PCDH11X: variants seen among roughly 807,000 people sequenced by gnomAD.
The protein encoded by PCDH11X is protocadherin-11 X-linked.
A neutral mutation model predicts 53.3 loss-of-function variants in PCDH11X; 18 were observed. The observed-to-expected ratio is 0.34, with a 90% CI of 0.23 to 0.50. The LOEUF (loss-of-function observed/expected upper bound fraction) is 0.50, where lower values mean the gene tolerates loss of function less well. Among genes scored for constraint, PCDH11X ranks in the 20% least tolerant of loss-of-function variants. The pLI, the probability that PCDH11X is intolerant of heterozygous loss-of-function variation, is 0.98. For missense variants in PCDH11X, 570 were observed against 1,032.4 expected (o/e 0.55, Z 6.14); for synonymous variants, 279 against 393.3 (o/e 0.71, Z 3.44).
At chrX:92,159,813 C>A (rs2148256095) in intron 6 of PCDH11X, among the ~76,000 whole-genome samples, 1 of 51,888 alleles carries the variant, frequency 1.9e-5, no homozygotes. Context: ...CAGGTTACCT[C>A]ATTTTTTTTT....
intron 10 of PCDH11X, among the ~76,000 whole-genome samples, chrX:92,584,459 C>A (rs960920814): frequency 5.4e-5 from 6 of 111,244 alleles, no homozygotes; most frequent in African/African-American, 2.0e-4. Flanking sequence ...GTGAAAAGAT[C>A]ATCAGAAAAT....
chrX:91,873,933 A>G (rs1454794542), intron 5 of PCDH11X, among the ~76,000 whole-genome samples: 1 of 111,129 alleles, frequency 9.0e-6, no homozygotes, highest in African/African-American at 3.3e-5. Flanking sequence ...CAATACCATC[A>G]TTAAATCCAT....
At chrX:92,530,421 A>G (rs966584439) in intron 10 of PCDH11X, among the ~76,000 whole-genome samples, 2 of 111,454 alleles carry the variant, frequency 1.8e-5, no homozygotes, top group African/African-American at 6.5e-5. Context: ...TCCTACGATG[A>G]TAGATTTAAT....
At chrX:91,901,884 G>C (rs1940968432) in intron 6 of PCDH11X, among the ~76,000 whole-genome samples, 1 of 111,751 alleles carries the variant, frequency 8.9e-6, no homozygotes, top group African/African-American at 3.2e-5. Flanking sequence ...CTATTTTTGA[G>C]TTTGAAGAAG....
chrX:91,873,728 G>A (rs1015701222), intron 5 of PCDH11X, among the ~76,000 whole-genome samples: 6 of 111,237 alleles, frequency 5.4e-5, no homozygotes, highest in East Asian at 2.8e-4. Context: ...TTACATATTC[G>A]TTTTCCCAGA....
intron 8 of PCDH11X, among the ~76,000 whole-genome samples, chrX:92,317,944 T>A (rs2069116139): frequency 9.0e-6 from 1 of 111,559 alleles, no homozygotes; most frequent in African/African-American, 3.2e-5. Context: ...GTTATTGTTA[T>A]TAGTAGTACT....
chrX:92,290,010 G>A (rs1603256830), intron 8 of PCDH11X, among the ~76,000 whole-genome samples: 1 of 111,484 alleles, frequency 9.0e-6, no homozygotes, highest in East Asian at 2.8e-4. Context: ...AAGGTTAATA[G>A]TGGGAATGAT....
chrX:91,780,686 A>T (rs996224777), intron 1 of PCDH11X, among the ~76,000 whole-genome samples: 1 of 112,791 alleles, frequency 8.9e-6, no homozygotes, highest in Admixed American at 9.4e-5. Context: ...GAGAAAAGTA[A>T]TGTACCTTTT....
At chrX:92,150,589 A>T (rs1603057199) in intron 6 of PCDH11X, among the ~76,000 whole-genome samples, 1 of 110,303 alleles carries the variant, frequency 9.1e-6, no homozygotes, top group African/African-American at 3.3e-5. Context: ...GGTCCTTTGC[A>T]TTTCAATAAA....
rs1283237283 is a variant in PCDH11X at position 91,811,266 on chromosome X, G to A, written c.-74G>A. ...TTGCAGAGCACTATGAGGACTGAAC[G>A]ACAGTGGGTTTTAATTCAGATATTT... On this transcript the variant is annotated 5_prime_UTR_variant, in exon 4 of 11. Transcript: ENST00000682573. 3.3e-6 allele frequency: 4 copies of A among 1,208,541 alleles called. No individual in the cohort carries two copies. Among genetic ancestry groups the A allele is most frequent in the Non-Finnish European group, 3.4e-6 (3 of 893,407 alleles).
chrX:91,988,771 T>C (rs888603757), intron 6 of PCDH11X, among the ~76,000 whole-genome samples: 8 of 111,925 alleles, frequency 7.1e-5, no homozygotes, highest in Non-Finnish European at 1.3e-4. Flanking sequence ...CATACTGTGG[T>C]AGAGGACACA....
chrX:92,299,406 C>G (rs1406071731), intron 8 of PCDH11X, among the ~76,000 whole-genome samples: 1 of 111,390 alleles, frequency 9.0e-6, no homozygotes, highest in Non-Finnish European at 1.9e-5. Context: ...CTTTACATAT[C>G]TGGTAGAAAC....
At chrX:92,616,488 C>A (rs1189869066) in intron 10 of PCDH11X, among the ~76,000 whole-genome samples, 1 of 108,691 alleles carries the variant, frequency 9.2e-6, no homozygotes, top group Non-Finnish European at 1.9e-5. Flanking sequence ...GTTGAAAAGT[C>A]TATACTTTCA....
intron 6 of PCDH11X, among the ~76,000 whole-genome samples, chrX:91,927,140 A>C (rs1426011895): frequency 9.2e-6 from 1 of 108,433 alleles, no homozygotes; most frequent in Non-Finnish European, 1.9e-5. Flanking sequence ...GCTAAATAAT[A>C]CACTCACATG....
rs752100754 is a variant in PCDH11X, at chrX:92,549,347, C to T, written c.3368-68917C>T. 1.3e-4 allele frequency among the ~76,000 whole-genome samples: 13 copies of T among 103,969 alleles called. No homozygotes were observed. In the Admixed American group the frequency reaches 1.4e-3, roughly 11 times the overall value. 90.3% of individuals were successfully genotyped at this position (103,969 alleles called of 115,157 possible). A position where few individuals can be genotyped will look rare whatever the true frequency, so the allele number is the denominator to read the frequency against. ...TTCACTTCATTTCATTTGCTGCTTA[C>T]TTAGAAAGTATCATGATTTCAGTTC... On this transcript the variant is annotated intron_variant, in intron 10 of 10. Coordinates refer to ENST00000682573, the MANE Select transcript of PCDH11X (RefSeq NM_032968.5).
At chrX:91,902,352 T>C (rs1940986271) in intron 6 of PCDH11X, among the ~76,000 whole-genome samples, 1 of 110,589 alleles carries the variant, frequency 9.0e-6, no homozygotes, top group Admixed American at 9.7e-5. Flanking sequence ...TCCATCTTTC[T>C]GCTCTATTTG....
intron 10 of PCDH11X, among the ~76,000 whole-genome samples, chrX:92,609,053 T>A (rs1927092425): frequency 9.0e-6 from 1 of 111,440 alleles, no homozygotes; most frequent in East Asian, 2.8e-4. Context: ...TTGAGACTCA[T>A]CCATGTTGCT....
At chrX:92,583,934 CAG>C (rs1175088300) in intron 10 of PCDH11X, among the ~76,000 whole-genome samples, 1 of 103,898 alleles carries the variant, frequency 9.6e-6, no homozygotes, top group Non-Finnish European at 2.0e-5. Flanking sequence ...TGAAAGCACA[CAG>C]AATATGTTTA....
intron 6 of PCDH11X, among the ~76,000 whole-genome samples, chrX:92,179,194 A>G (rs2065955813): frequency 8.9e-6 from 1 of 112,294 alleles, no homozygotes; most frequent in Admixed American, 9.5e-5. Context: ...GACTATTTCG[A>G]TCTTAAACTA....
Sources: gnomAD v4.1 joint callset for allele counts (sites outside exome capture counted in the v4.1 genomes callset) on GRCh38, gnomAD v4.1.1 for gene constraint, MANE v1.5 for transcripts, NCBI Gene and HGNC (gene_info 2026-07-23, HGNC 2026-07-21) for gene names.